Variants in PTPRN2 observed in about 807,000 individuals in gnomAD.
PTPRN2 encodes the protein protein tyrosine phosphatase receptor type N2.
A neutral mutation model predicts 118.8 loss-of-function variants in PTPRN2; 74 were observed. That is an observed-to-expected ratio of 0.62 (90% CI 0.52 to 0.76). The LOEUF (loss-of-function observed/expected upper bound fraction) is 0.76. PTPRN2 is among the 30% of genes least tolerant of loss of function. The pLI is 0.00. For missense variants in PTPRN2, 1,481 were observed against 1,394.4 expected (o/e 1.06, Z -0.99); for synonymous variants, 641 against 608.0 (o/e 1.05, Z -0.80).
chr7:158,095,857 C>T (rs185370438), intron 10 of PTPRN2, among the ~76,000 whole-genome samples: 62 of 152,282 alleles, frequency 4.1e-4, no homozygotes, highest in African/African-American at 1.5e-3. Flanking sequence ...GGATTACAGG[C>T]GTGAGCCGCC....
Position 158,071,451 on chromosome 7 carries a change from G to A in PTPRN2, c.1723+9847C>T, listed in dbSNP as rs904350787. ...GGTGCTCGTGGTGGTGGAGGTGCTC[G>A]TGGTTGAGGTGCTCGTGGTGGTGGA... On this transcript the variant is annotated intron_variant, in intron 11 of 22. Coordinates refer to ENST00000389418, the MANE Select transcript of PTPRN2 (RefSeq NM_002847.5). 7.7e-3 allele frequency among the ~76,000 whole-genome samples: 365 copies of A among 47,372 alleles called. 2 individuals carry two copies. Among genetic ancestry groups the A allele is most frequent in the Non-Finnish European group, 0.01 (241 of 24,032 alleles). The allele number at this position is 47,372 out of a possible 152,430, so 31.1% of individuals were successfully genotyped here. A position where few individuals can be genotyped will look rare whatever the true frequency, so the allele number is the denominator to read the frequency against.
At position 157,986,093 on chromosome 7, in the gene PTPRN2, A is replaced by G. The variant is rs1255948315; in HGVS notation, c.1724-87356T>C. Among the ~76,000 whole-genome samples the G allele has an allele frequency of 6.6e-6, 1 of 152,170 alleles. No individual in the cohort carries two copies. Among genetic ancestry groups the G allele is most frequent in the Non-Finnish European group, 1.5e-5 (1 of 68,032 alleles). On this transcript the variant is annotated intron_variant, in intron 11 of 22. Transcript: ENST00000389418. This position sits in a 1 kb window ranked among gnomAD's most constrained non-coding sequence, Gnocchi z 4.5. ...CAGATGGATGGAGGTGGGAGGAGGG[A>G]GGGGTTCTGACCATCTTCTCTGGTG...
intron 3 of PTPRN2, among the ~76,000 whole-genome samples, chr7:158,205,605 T>C (rs1827069113): frequency 1.3e-5 from 2 of 152,300 alleles, no homozygotes; most frequent in Admixed American, 1.3e-4. Context: ...GCAAAGCACC[T>C]TCATACGAAC....
intron 12 of PTPRN2, among the ~76,000 whole-genome samples, chr7:157,800,675 G>A (rs536721826): frequency 3.3e-5 from 5 of 152,232 alleles, no homozygotes; most frequent in South Asian, 2.1e-4. Context: ...AATACCTGCC[G>A]GGTGCGGTGG....
chr7:157,870,533 C>T (rs1400750414), intron 12 of PTPRN2, among the ~76,000 whole-genome samples: 1 of 152,214 alleles, frequency 6.6e-6, no homozygotes, highest in Non-Finnish European at 1.5e-5. Context: ...GATAGGGGCT[C>T]TTTTCAAACT....
At chr7:158,049,789 G>C (rs1414723515) in intron 11 of PTPRN2, among the ~76,000 whole-genome samples, 1 of 152,154 alleles carries the variant, frequency 6.6e-6, no homozygotes. Flanking sequence ...TATAATCCCA[G>C]CTACTGGGGA....
At chr7:158,247,342 G>C (rs1330410136) in intron 3 of PTPRN2, among the ~76,000 whole-genome samples, 1 of 152,332 alleles carries the variant, frequency 6.6e-6, no homozygotes, top group East Asian at 1.9e-4. Flanking sequence ...CGTGATGGGA[G>C]GTGGGGAAGT....
Position 157,632,311 on chromosome 7 carries a change from G to C in PTPRN2, c.2197-10802C>G, listed in dbSNP as rs1455557703. ...AGGTGGCCTGGTGCACCAACGCCTG[G>C]TGATCCTCGATTTCAGTTTATGACT... is the stretch of plus-strand genomic sequence containing the variant. On this transcript the variant is annotated intron_variant, in intron 14 of 22. Coordinates refer to ENST00000389418, the MANE Select transcript of PTPRN2 (RefSeq NM_002847.5). The surrounding 1 kb of genome is among the most constrained non-coding windows in gnomAD (Gnocchi z 4.3). Among the ~76,000 whole-genome samples the C allele has an allele frequency of 6.6e-6, 1 of 152,142 alleles. No individual in the cohort carries two copies. Among genetic ancestry groups the C allele is most frequent in the East Asian group, 1.9e-4 (1 of 5,192 alleles).
chr7:157,993,176 G>A (rs752664334), intron 11 of PTPRN2, among the ~76,000 whole-genome samples: 4 of 152,130 alleles, frequency 2.6e-5, no homozygotes, highest in Non-Finnish European at 4.4e-5. Context: ...TATTATGGGC[G>A]GCTCATAAGA....
At chr7:158,422,508 AAAGG>A (rs1414718227) in intron 2 of PTPRN2, among the ~76,000 whole-genome samples, 2 of 152,274 alleles carry the variant, frequency 1.3e-5, no homozygotes, top group Non-Finnish European at 2.9e-5. Flanking sequence ...AAGTAAAATA[AAAGG>A]AAGATAGAAA....
intron 2 of PTPRN2, among the ~76,000 whole-genome samples, chr7:158,346,349 T>C (rs953344598): frequency 2.6e-5 from 4 of 152,198 alleles, no homozygotes; most frequent in Admixed American, 2.6e-4. Flanking sequence ...GTGAGTTCAA[T>C]TGTTTTCAGT....
intron 2 of PTPRN2, among the ~76,000 whole-genome samples, chr7:158,341,320 A>G (rs1309457649): frequency 6.6e-6 from 1 of 151,978 alleles, no homozygotes; most frequent in African/African-American, 2.4e-5. Flanking sequence ...TCACACCCAC[A>G]CACGTCACTC....
Position 157,770,866 on chromosome 7 carries a change from G to A in PTPRN2, c.1789-87929C>T, listed in dbSNP as rs371801875. Among the ~76,000 whole-genome samples, 79 of 152,346 alleles carry A rather than the reference G, an allele frequency of 5.2e-4. No homozygotes were observed. In the Middle Eastern group the frequency reaches 0.01, roughly 20 times the overall value. On this transcript the variant is annotated intron_variant, in intron 12 of 22. Coordinates refer to ENST00000389418, the MANE Select transcript of PTPRN2 (RefSeq NM_002847.5). ...TCCTCCCCACCTGAGTGTGGGGGCT[G>A]TGGGCCCGCTTGGCCAGTTGAGGCA...
intron 2 of PTPRN2, among the ~76,000 whole-genome samples, chr7:158,425,034 TA>T (rs1363283848): frequency 6.6e-6 from 1 of 152,204 alleles, no homozygotes; most frequent in Non-Finnish European, 1.5e-5. Context: ...TGACTGTCGG[TA>T]AAGGAGGGGA....
At chr7:158,518,346 T>C (rs185071871) in intron 1 of PTPRN2, among the ~76,000 whole-genome samples, 9 of 151,490 alleles carry the variant, frequency 5.9e-5, no homozygotes, top group South Asian at 2.1e-4. Context: ...TTAATAGAGA[T>C]GATACGGATT....
chr7:157,645,374 G>A (rs1011296631), intron 14 of PTPRN2, among the ~76,000 whole-genome samples: 4 of 152,238 alleles, frequency 2.6e-5, no homozygotes, highest in Admixed American at 6.5e-5. Flanking sequence ...CTGAGGCTGG[G>A]AGACCTGGGA....
intron 12 of PTPRN2, among the ~76,000 whole-genome samples, chr7:157,749,523 T>TC (rs1253706149): frequency 7.2e-6 from 1 of 139,748 alleles, no homozygotes; most frequent in African/African-American, 2.8e-5. Flanking sequence ...CTGCGGGCTG[T>TC]TGAGGTGATT....
At chr7:157,940,445 C>G (rs899161909) in intron 11 of PTPRN2, among the ~76,000 whole-genome samples, 8 of 151,952 alleles carry the variant, frequency 5.3e-5, no homozygotes, top group African/African-American at 1.9e-4. Flanking sequence ...TAATGCCCTC[C>G]CCTGTGACAC....
At chr7:157,875,036 C>T (rs1235994464) in intron 12 of PTPRN2, among the ~76,000 whole-genome samples, 1 of 151,536 alleles carries the variant, frequency 6.6e-6, no homozygotes, top group Non-Finnish European at 1.5e-5. Flanking sequence ...CACGCAGACA[C>T]ACACACGCGC....
Sources: gnomAD v4.1 joint callset for allele counts (sites outside exome capture counted in the v4.1 genomes callset) on GRCh38, gnomAD v4.1.1 for gene constraint, Gnocchi (gnomAD v3.1) non-coding constraint, MANE v1.5 for transcripts, NCBI Gene and HGNC (gene_info 2026-07-23, HGNC 2026-07-21) for gene names.